Variants in TNFSF4 observed in about 807,000 individuals in gnomAD.
TNFSF4 encodes the protein tumor necrosis factor ligand superfamily member 4.
A neutral mutation model predicts 7.3 loss-of-function variants in TNFSF4; 4 were observed. The ratio of observed to expected loss-of-function variants is 0.55; its 90% CI spans 0.27 to 1.25. TNFSF4 has a LOEUF of 1.25. TNFSF4 is among the 50% of genes most tolerant of loss of function. The pLI is 0.12. For synonymous variants in TNFSF4, 76 were observed against 83.7 expected (o/e 0.91, Z 0.50); for missense variants, 181 against 208.8 (o/e 0.87, Z 0.82).
chr1:173,428,737 G>T, the TNFSF4 span, among the ~76,000 whole-genome samples: 1 of 152,230 alleles, frequency 6.6e-6, no homozygotes, highest in African/African-American at 2.4e-5. Flanking sequence ...GGGAGCAGTG[G>T]CTCATGCCTG....
the TNFSF4 span, among the ~76,000 whole-genome samples, chr1:173,369,702 C>A: frequency 6.6e-6 from 1 of 152,116 alleles, no homozygotes; most frequent in East Asian, 1.9e-4. Context: ...TTCTGCAATA[C>A]AACCTGGCCC....
the TNFSF4 span, among the ~76,000 whole-genome samples, chr1:173,316,844 C>T: frequency 6.6e-6 from 1 of 152,012 alleles, no homozygotes; most frequent in African/African-American, 2.4e-5. Flanking sequence ...GAAATTTTTA[C>T]AAGATCATGG....
the TNFSF4 span, among the ~76,000 whole-genome samples, chr1:173,256,567 C>G: frequency 6.6e-6 from 1 of 152,132 alleles, no homozygotes; most frequent in Non-Finnish European, 1.5e-5. Context: ...GGACACAATT[C>G]GGTCCATAAC....
chr1:173,200,507 G>A (rs1649899040), intron 1 of TNFSF4, among the ~76,000 whole-genome samples: 1 of 152,088 alleles, frequency 6.6e-6, no homozygotes, highest in Non-Finnish European at 1.5e-5. Context: ...TATGCATGGG[G>A]GTCTTAGAAG....
the TNFSF4 span, among the ~76,000 whole-genome samples, chr1:173,346,234 C>T: frequency 2.6e-5 from 4 of 152,134 alleles, no homozygotes; most frequent in African/African-American, 4.8e-5. Context: ...TGAACATCAT[C>T]AGAAATACAT....
At chr1:173,230,083 C>G in the TNFSF4 span, among the ~76,000 whole-genome samples, 1 of 152,116 alleles carries the variant, frequency 6.6e-6, no homozygotes, top group East Asian at 1.9e-4. Flanking sequence ...CCAAGAAGAC[C>G]CAATAGACAT....
At chr1:173,279,068 T>G in the TNFSF4 span, among the ~76,000 whole-genome samples, 1 of 152,242 alleles carries the variant, frequency 6.6e-6, no homozygotes. Context: ...GGCCACTGAC[T>G]CAATTACTAC....
At chr1:173,189,655 TG>T (rs879423716) in intron 1 of TNFSF4, among the ~76,000 whole-genome samples, 23 of 150,924 alleles carry the variant, frequency 1.5e-4, no homozygotes, top group East Asian at 5.8e-4. Flanking sequence ...AAAAAAAAGT[TG>T]GGGGGGGTGC....
At chr1:173,414,080 G>T in the TNFSF4 span, among the ~76,000 whole-genome samples, 79 of 152,236 alleles carry the variant, frequency 5.2e-4, no homozygotes, top group African/African-American at 1.8e-3. Context: ...AGTTCTCATC[G>T]TAAACCCACA....
chr1:173,329,836 A>G, the TNFSF4 span, among the ~76,000 whole-genome samples: 4 of 152,188 alleles, frequency 2.6e-5, no homozygotes, highest in Non-Finnish European at 4.4e-5. Flanking sequence ...AAAAAAAGAA[A>G]AAAAAAATGC....
chr1:173,309,372 A>G, the TNFSF4 span, among the ~76,000 whole-genome samples: 1 of 151,982 alleles, frequency 6.6e-6, no homozygotes, highest in South Asian at 2.1e-4. Context: ...TTTTTAAAAA[A>G]GTAAGAAATA....
chr1:173,329,037 C>T, the TNFSF4 span, among the ~76,000 whole-genome samples: 11 of 152,136 alleles, frequency 7.2e-5, no homozygotes, highest in Admixed American at 2.0e-4. Context: ...AACACAAGTT[C>T]CCAATAACAG....
the TNFSF4 span, among the ~76,000 whole-genome samples, chr1:173,172,909 T>C: frequency 9.2e-5 from 14 of 152,186 alleles, no homozygotes; most frequent in Non-Finnish European, 5.9e-5. Context: ...CTCACAGTTC[T>C]GCAGGGCTGG....
the TNFSF4 span, among the ~76,000 whole-genome samples, chr1:173,175,934 G>T: frequency 6.6e-6 from 1 of 152,030 alleles, no homozygotes; most frequent in Non-Finnish European, 1.5e-5. Flanking sequence ...GGAAGTCATG[G>T]TTTTTTGTTT....
At chr1:173,318,380 T>A in the TNFSF4 span, among the ~76,000 whole-genome samples, 7 of 152,280 alleles carry the variant, frequency 4.6e-5, no homozygotes, top group Middle Eastern at 6.8e-3. Context: ...TTTAAAACAA[T>A]AGAAAACTCA....
the TNFSF4 span, among the ~76,000 whole-genome samples, chr1:173,361,629 CT>C: frequency 6.6e-6 from 1 of 151,294 alleles, no homozygotes; most frequent in African/African-American, 2.4e-5. Context: ...GTAACACTTT[CT>C]TTTTTTTTCT....
the TNFSF4 span, among the ~76,000 whole-genome samples, chr1:173,430,899 T>C: frequency 6.6e-6 from 1 of 152,252 alleles, no homozygotes; most frequent in Admixed American, 6.5e-5. Context: ...TTAAGGCTAA[T>C]TGGTAATAAA....
At chr1:173,389,097 A>G in the TNFSF4 span, among the ~76,000 whole-genome samples, 1 of 152,238 alleles carries the variant, frequency 6.6e-6, no homozygotes. Context: ...AGGTACACTA[A>G]CTGAGAATTT....
the TNFSF4 span, among the ~76,000 whole-genome samples, chr1:173,261,787 T>TGAATCCCTG: frequency 6.6e-5 from 10 of 151,984 alleles, no homozygotes; most frequent in Admixed American, 6.6e-4. Flanking sequence ...AGGAAGAAGT[T>TGAATCCCTG]GAATCCCTGA....
Sources: gnomAD v4.1 joint callset for allele counts (sites outside exome capture counted in the v4.1 genomes callset) on GRCh38, gnomAD v4.1.1 for gene constraint, MANE v1.5 for transcripts, NCBI Gene and HGNC (gene_info 2026-07-23, HGNC 2026-07-21) for gene names.